Variants in PIGZ observed in about 807,000 individuals in gnomAD.
The protein encoded by PIGZ is GPI alpha-1,2-mannosyltransferase 4.
In PIGZ, 16 loss-of-function variants were observed where a neutral mutation model predicts 16.4. The observed-to-expected ratio is 0.97, with a 90% CI of 0.66 to 1.48. The LOEUF is 1.48. Among genes scored for constraint, PIGZ ranks in the 40% most tolerant of loss-of-function variants. The pLI is 0.00. For synonymous variants in PIGZ, 409 were observed against 338.4 expected, an observed-to-expected ratio of 1.21 and a Z score of -2.29; for missense variants, 770 against 739.2, an observed-to-expected ratio of 1.04 and a Z score of -0.48.
At position 196,948,230 on chromosome 3, in the gene PIGZ, CA is replaced by C. The variant is rs748551431; in HGVS notation, c.666del (p.Gly223AlafsTer29). Reference protein sequence around the residue: ...RSWLLGGIVAAGFFNRPTFLA... With the variant: ...RSWLLGGIVAXGFFNRPTFLA... Reference sequence around the variant, plus strand: ...AGAAAGGTGGGCCGGTTGAAGAAGCCAGCAGCCACAATGCCTCCAAGAAGCC... The same window carrying C: ...AGAAAGGTGGGCCGGTTGAAGAAGCCGCAGCCACAATGCCTCCAAGAAGCC... On this transcript the variant is annotated frameshift_variant, in exon 3 of 3. Coordinates refer to ENST00000412723, the MANE Select transcript of PIGZ (RefSeq NM_025163.4). LOFTEE classifies it low-confidence loss of function (END_TRUNC). 27 of 1,614,032 alleles carry C rather than the reference CA, an allele frequency of 1.7e-5. No homozygotes were observed. Among genetic ancestry groups the C allele is most frequent in the African/African-American group, 2.7e-5 (2 of 74,910 alleles).
intron 1 of PIGZ, among the ~76,000 whole-genome samples, chr3:196,956,411 CAA>C (rs1406296115): frequency 2.0e-5 from 3 of 152,162 alleles, no homozygotes; most frequent in Admixed American, 2.0e-4. Flanking sequence ...GAGACGCAAG[CAA>C]AGGGGGTTTC....
intron 1 of PIGZ, among the ~76,000 whole-genome samples, chr3:196,957,646 C>G (rs1255370585): frequency 6.6e-6 from 1 of 152,200 alleles, no homozygotes; most frequent in African/African-American, 2.4e-5. Context: ...TCCCAAAGTG[C>G]TGGGATTACA....
rs889574166 is a variant in PIGZ at position 196,947,770 on chromosome 3, A to G, written c.1127T>C (p.Met376Thr). ...PRSYLLLLYF[M>T]PLALLSAFSH... ...AAAGGCAGATAGCAGGGCCAGAGGC[A>G]TGAAGTAGAGGAGAAGGAGATAGGA... The change falls in exon 3 of 3, where the codon ATG (methionine) becomes ACG (threonine). Residue 376 changes from methionine (M) to threonine (T), a missense_variant. Physicochemically the swap from Met to Thr is moderately conservative, Grantham distance 81. Transcript: ENST00000412723. The G allele has an allele frequency of 1.1e-5, 18 of 1,610,954 alleles. No individual in the cohort carries two copies. Among genetic ancestry groups the G allele is most frequent in the Non-Finnish European group, 1.5e-5 (18 of 1,178,432 alleles).
chr3:196,954,231 G>A (rs1295986406), intron 1 of PIGZ, among the ~76,000 whole-genome samples: 4 of 152,190 alleles, frequency 2.6e-5, no homozygotes, highest in Admixed American at 1.3e-4. Context: ...GTTGTGGTGA[G>A]CTGAGATCAC....
intron 1 of PIGZ, among the ~76,000 whole-genome samples, chr3:196,966,135 C>T (rs932203382): frequency 1.3e-5 from 2 of 152,212 alleles, no homozygotes; most frequent in Non-Finnish European, 2.9e-5. Context: ...CTGTTTCTCA[C>T]CCCAGCTTCT....
At chr3:196,951,170 G>A (rs987668337) in intron 2 of PIGZ, among the ~76,000 whole-genome samples, 4 of 152,140 alleles carry the variant, frequency 2.6e-5, no homozygotes, top group Non-Finnish European at 5.9e-5. Context: ...AAAAGCATGC[G>A]CCCTTCAAAA....
At position 196,961,124 on chromosome 3, in the gene PIGZ, T is replaced by C. The variant is rs147234423; in HGVS notation, c.-1+7563A>G. Among the ~76,000 whole-genome samples the C allele has an allele frequency of 3.4e-3, 518 of 152,314 alleles. 1 individual carries two copies. The highest frequency in any genetic ancestry group is 5.7e-3 in the Non-Finnish European group (389 of 68,030). On this transcript the variant is annotated intron_variant, in intron 1 of 2. Coordinates refer to ENST00000412723, the MANE Select transcript of PIGZ (RefSeq NM_025163.4). ...ATTCCATGCTCATTCACCGGCTTCGTTGGGTGCTGCTGACAGGCGGCTGTG... is the reference window on the plus strand; with the variant it reads ...ATTCCATGCTCATTCACCGGCTTCGCTGGGTGCTGCTGACAGGCGGCTGTG...
In PIGZ at chr3:196,947,593, A is replaced by C; in HGVS notation, c.1304T>G (p.Leu435Arg). ...LLFGCLHQGG[L>R]VPGLEYLEQV... ...CTCCAGGTACTCCAGGCCAGGCACC[A>C]GGCCCCCCTGATGCAGGCAGCCGAA... is the stretch of plus-strand genomic sequence containing the variant. The change falls in exon 3 of 3, where the codon CTG becomes CGG. Residue 435 changes from leucine to arginine, a missense_variant. Transcript: ENST00000412723. 1 of 1,613,756 alleles carries C rather than the reference A, an allele frequency of 6.2e-7. No individual in the cohort carries two copies. The highest frequency in any genetic ancestry group is 1.1e-5 in the South Asian group (1 of 91,044).
chr3:196,961,162 T>C (rs1717708263), intron 1 of PIGZ, among the ~76,000 whole-genome samples: 1 of 152,184 alleles, frequency 6.6e-6, no homozygotes, highest in East Asian at 1.9e-4. Context: ...GGTTGGGCAA[T>C]GGCTTTCTAA....
At chr3:196,967,054 G>A (rs367873329) in intron 1 of PIGZ, among the ~76,000 whole-genome samples, 93 of 152,128 alleles carry the variant, frequency 6.1e-4, no homozygotes, top group African/African-American at 2.1e-3. Flanking sequence ...GCAAGCAGCA[G>A]GGAGAGACCA....
intron 1 of PIGZ, among the ~76,000 whole-genome samples, chr3:196,966,156 G>C (rs1039753478): frequency 6.6e-6 from 1 of 152,156 alleles, no homozygotes; most frequent in African/African-American, 2.4e-5. Flanking sequence ...TGGCTCACAC[G>C]GTTTCACTTA....
intron 2 of PIGZ, among the ~76,000 whole-genome samples, chr3:196,951,276 C>A (rs548004189): frequency 6.6e-6 from 1 of 152,300 alleles, no homozygotes; most frequent in East Asian, 1.9e-4. Context: ...CCGTCTTGAA[C>A]TATGAGGATG....
At chr3:196,950,504 T>C (rs907439872) in intron 2 of PIGZ, among the ~76,000 whole-genome samples, 13 of 152,180 alleles carry the variant, frequency 8.5e-5, no homozygotes, top group Non-Finnish European at 1.2e-4. Context: ...TGCGGATCAT[T>C]CGGGCTCTTT....
chr3:196,964,048 A>T (rs1417818077), intron 1 of PIGZ, among the ~76,000 whole-genome samples: 1 of 151,366 alleles, frequency 6.6e-6, no homozygotes, highest in Non-Finnish European at 1.5e-5. Context: ...TTTTATTTTT[A>T]TTTATTTATT....
At chr3:196,956,345 T>C (rs895063606) in intron 1 of PIGZ, among the ~76,000 whole-genome samples, 13 of 152,176 alleles carry the variant, frequency 8.5e-5, no homozygotes, top group Non-Finnish European at 1.8e-4. Context: ...AGGCACGTCT[T>C]ACATGGCAGC....
intron 1 of PIGZ, among the ~76,000 whole-genome samples, chr3:196,955,960 C>T (rs1717469655): frequency 1.3e-5 from 2 of 151,648 alleles, no homozygotes; most frequent in South Asian, 4.1e-4. Flanking sequence ...TTTTTTTGTC[C>T]TTTCTTGCCT....
chr3:196,950,993 G>C (rs2108903184), intron 2 of PIGZ, among the ~76,000 whole-genome samples: 1 of 152,280 alleles, frequency 6.6e-6, no homozygotes, highest in South Asian at 2.1e-4. Context: ...TGATCCACCT[G>C]CCTCAGCCTC....
chr3:196,966,227 G>T (rs1260380069), intron 1 of PIGZ, among the ~76,000 whole-genome samples: 2 of 152,214 alleles, frequency 1.3e-5, no homozygotes, highest in Non-Finnish European at 2.9e-5. Flanking sequence ...CCCGGTTCAA[G>T]TCGTTGCTCT....
intron 1 of PIGZ, among the ~76,000 whole-genome samples, chr3:196,954,962 G>A (rs562880248): frequency 2.3e-4 from 35 of 151,826 alleles, no homozygotes; most frequent in Middle Eastern, 3.4e-3. Flanking sequence ...GTCTCACTGC[G>A]TTGCCCAGTC....
Sources: allele counts gnomAD v4.1 joint callset (sites outside exome capture counted in the v4.1 genomes callset), GRCh38; gene constraint gnomAD v4.1.1; transcripts MANE v1.5; gene names NCBI Gene and HGNC (gene_info 2026-07-23, HGNC 2026-07-21).